GUCY2C: variants seen among roughly 807,000 people sequenced by gnomAD.
The protein encoded by GUCY2C is guanylate cyclase 2C, also known as guanylyl cyclase C.
Under a neutral mutation model 131.1 loss-of-function variants are expected in GUCY2C, and 118 were observed. That is an observed-to-expected ratio of 0.90 (90% CI 0.78 to 1.05). GUCY2C has a LOEUF of 1.05. Ranked by LOEUF, GUCY2C falls within the 50% of genes least tolerant of loss-of-function variation. GUCY2C has a pLI of 0.00. For missense variants in GUCY2C, 1,161 were observed against 1,304.4 expected (o/e 0.89, Z 1.69); for synonymous variants, 452 against 457.8 (o/e 0.99, Z 0.16).
At chr12:14,682,924 G>A (rs2137093903) in intron 4 of GUCY2C, 118 bp downstream of exon 4, 2 of 658,648 alleles carry the variant, frequency 3.0e-6, no homozygotes, top group Middle Eastern at 4.0e-4. Context: ...ATGAACTGAT[G>A]TCTATACCCA....
intron 24 of GUCY2C, among the ~76,000 whole-genome samples, chr12:14,618,280 A>G (rs1021593034): frequency 6.6e-6 from 1 of 152,170 alleles, no homozygotes; most frequent in Non-Finnish European, 1.5e-5. Flanking sequence ...TGGGGGACCA[A>G]GGCAGGAGAC....
chr12:14,672,806 T>C lies in GUCY2C; in HGVS notation c.1170+67A>G, dbSNP rs531167526. 9.5e-6 allele frequency: 8 copies of C among 839,098 alleles called. No homozygotes were observed. The African/African-American group carries it at 1.0e-4, about 11-fold the overall frequency. 52.0% of individuals were successfully genotyped at this position (839,098 alleles called of 1,614,324 possible). On this transcript the variant is annotated intron_variant, in intron 9 of 26. Transcript: ENST00000261170. ...TCTCTAATTCTTTTGCTAGTGCTCC[T>C]CTTCCAAGTTACCCCTCCTCACCCA...
chr12:14,625,965 G>T (rs1268511211), intron 20 of GUCY2C, 50 bp from the exon 21 acceptor site: 1 of 1,061,256 alleles, frequency 9.4e-7, no homozygotes, highest in Non-Finnish European at 1.4e-6. Context: ...AAGAAAACAT[G>T]AACATCCAAT....
intron 18 of GUCY2C, among the ~76,000 whole-genome samples, chr12:14,640,476 A>AG (rs1555160362): frequency 3.5e-4 from 53 of 150,954 alleles, no homozygotes; most frequent in African/African-American, 1.3e-3. Context: ...AAAAAAAAAA[A>AG]AAAGAAAGAA....
At chr12:14,630,534 C>T (rs1271249301) in intron 19 of GUCY2C, among the ~76,000 whole-genome samples, 2 of 152,040 alleles carry the variant, frequency 1.3e-5, no homozygotes, top group Non-Finnish European at 2.9e-5. Context: ...AATACAGTAC[C>T]ACAAATATTT....
chr12:14,655,464 T>C (rs569904140), intron 12 of GUCY2C, among the ~76,000 whole-genome samples: 1 of 152,228 alleles, frequency 6.6e-6, no homozygotes, highest in Admixed American at 6.5e-5. Context: ...TGGATAGACA[T>C]GAGGGGATTG....
chr12:14,658,359 A>G (rs1027336835), intron 11 of GUCY2C, among the ~76,000 whole-genome samples: 2 of 152,142 alleles, frequency 1.3e-5, no homozygotes, highest in African/African-American at 4.8e-5. Flanking sequence ...ACTGAGAACT[A>G]CTTTCCTAAA....
At chr12:14,616,305 G>A (rs1946760588) in intron 25 of GUCY2C, among the ~76,000 whole-genome samples, 1 of 152,138 alleles carries the variant, frequency 6.6e-6, no homozygotes, top group Non-Finnish European at 1.5e-5. Flanking sequence ...AAGTAAGTGG[G>A]GGGACAAGGG....
chr12:14,629,932 C>A (rs77028790), intron 19 of GUCY2C, among the ~76,000 whole-genome samples: 1 of 151,886 alleles, frequency 6.6e-6, no homozygotes, highest in Non-Finnish European at 1.5e-5. Context: ...ATAAGTATGT[C>A]GCAAATATTG....
At chr12:14,665,218 G>GA (rs550017739) in intron 10 of GUCY2C, among the ~76,000 whole-genome samples, 4,784 of 85,294 alleles carry the variant, frequency 0.056, 314 homozygotes, top group African/African-American at 0.16. Context: ...TCCGTCTCAG[G>GA]AAAAAAAAAA....
At chr12:14,661,157 G>A (rs1472749216) in intron 10 of GUCY2C, 95 bp from the exon 11 acceptor site, 2 of 780,312 alleles carry the variant, frequency 2.6e-6, no homozygotes, top group Non-Finnish European at 4.4e-6. Flanking sequence ...GAAGGGAAAA[G>A]AGAACCCTTT....
intron 20 of GUCY2C, among the ~76,000 whole-genome samples, chr12:14,627,316 C>T (rs1047870578): frequency 6.6e-6 from 1 of 152,104 alleles, no homozygotes; most frequent in African/African-American, 2.4e-5. Context: ...TTGTGCCCTA[C>T]CCGAGACCTA....
chr12:14,674,920 TC>T (rs900205572), intron 7 of GUCY2C, among the ~76,000 whole-genome samples, 160 bp from the exon 8 acceptor site: 4 of 151,968 alleles, frequency 2.6e-5, no homozygotes, highest in Admixed American at 2.6e-4. Context: ...AGAAAACTCT[TC>T]CTTGGAGGCC....
intron 19 of GUCY2C, among the ~76,000 whole-genome samples, chr12:14,629,235 C>A (rs1463860425): frequency 6.6e-6 from 1 of 152,010 alleles, no homozygotes; most frequent in Non-Finnish European, 1.5e-5. Flanking sequence ...CTTAACCGGA[C>A]CCATTTAGGA....
intron 1 of GUCY2C, among the ~76,000 whole-genome samples, chr12:14,691,944 T>C (rs561591416): frequency 7.9e-5 from 12 of 152,212 alleles, no homozygotes; most frequent in Non-Finnish European, 1.6e-4. Context: ...TATTTTGTCA[T>C]CCTCATTTAA....
At chr12:14,657,117 TG>T (rs1037223737) in intron 11 of GUCY2C, among the ~76,000 whole-genome samples, 1 of 152,234 alleles carries the variant, frequency 6.6e-6, no homozygotes, top group Non-Finnish European at 1.5e-5. Flanking sequence ...GGCCATGGAC[TG>T]GGGTTTGGGG....
chr12:14,673,675 G>A (rs990321515), intron 8 of GUCY2C, among the ~76,000 whole-genome samples: 8 of 152,228 alleles, frequency 5.3e-5, no homozygotes, highest in South Asian at 2.1e-4. Context: ...GGTAGGTGGC[G>A]GGAACAAACA....
chr12:14,678,909 G>A (rs1948291285), intron 6 of GUCY2C, among the ~76,000 whole-genome samples: 1 of 152,164 alleles, frequency 6.6e-6, no homozygotes, highest in South Asian at 2.1e-4. Context: ...AAGATGGGAT[G>A]TGAACAAAGG....
chr12:14,674,525 G>C, intron 8 of GUCY2C, 100 bp downstream of exon 8: 1 of 944,602 alleles, frequency 1.1e-6, no homozygotes, highest in Non-Finnish European at 1.6e-6. Flanking sequence ...GGATTTAGCT[G>C]TGGAATCATC....
Sources: gnomAD v4.1 joint callset for allele counts (sites outside exome capture counted in the v4.1 genomes callset) on GRCh38, gnomAD v4.1.1 for gene constraint, MANE v1.5 for transcripts, NCBI Gene and HGNC (gene_info 2026-07-23, HGNC 2026-07-21) for gene names.